TRPA1: variants seen among roughly 807,000 people sequenced by gnomAD.
The protein encoded by TRPA1 is transient receptor potential cation channel subfamily A member 1, also known as ankyrin-like with transmembrane domains 1.
In TRPA1, 129 loss-of-function variants were observed where a neutral mutation model predicts 131.3. That is an observed-to-expected ratio of 0.98 (90% CI 0.85 to 1.14). The LOEUF is 1.14. Ranked by LOEUF, TRPA1 falls within the 50% of genes most tolerant of loss-of-function variation. The pLI, the probability that TRPA1 is intolerant of heterozygous loss-of-function variation, is 0.00. For missense variants in TRPA1, 1,304 were observed against 1,354.2 expected (o/e 0.96, Z 0.58); for synonymous variants, 441 against 451.7 (o/e 0.98, Z 0.30).
In TRPA1 at chr8:72,068,236, T is replaced by C. The variant is rs570729715; in HGVS notation, c.444+787A>G. On this transcript the variant is annotated intron_variant, in intron 3 of 26. Coordinates refer to ENST00000262209, the MANE Select transcript of TRPA1 (RefSeq NM_007332.3). ...TTTCTACCAGAAAACTTATTATAAG[T>C]TCCAAATAGCCTACCTTAGAAATGA... Among the ~76,000 whole-genome samples, 3 of 152,334 alleles carry C rather than the reference T, an allele frequency of 2.0e-5. No homozygotes were observed. In the East Asian group the frequency reaches 5.8e-4, roughly 29 times the overall value.
chr8:72,032,703 C>A (rs1811873439), intron 23 of TRPA1, among the ~76,000 whole-genome samples: 1 of 152,174 alleles, frequency 6.6e-6, no homozygotes, highest in African/African-American at 2.4e-5. Context: ...ACAATGTGGG[C>A]TTTATGTCAT....
intron 17 of TRPA1, among the ~76,000 whole-genome samples, chr8:72,045,114 G>C (rs1464061392): frequency 6.6e-6 from 1 of 151,882 alleles, no homozygotes; most frequent in African/African-American, 2.4e-5. Context: ...CTGGGCTATT[G>C]ATTATGAACT....
intron 1 of TRPA1, among the ~76,000 whole-genome samples, chr8:72,073,553 G>T (rs1401035305): frequency 1.3e-5 from 2 of 152,080 alleles, no homozygotes; most frequent in African/African-American, 4.8e-5. Context: ...AAATGATATG[G>T]AACTACTACA....
At chr8:72,032,276 GT>G (rs1299455309) in intron 23 of TRPA1, among the ~76,000 whole-genome samples, 1 of 152,208 alleles carries the variant, frequency 6.6e-6, no homozygotes, top group East Asian at 1.9e-4. Context: ...CATCACTATG[GT>G]GGCCATTTGT....
At chr8:72,046,284 A>G (rs987296357) in intron 17 of TRPA1, among the ~76,000 whole-genome samples, 1 of 151,998 alleles carries the variant, frequency 6.6e-6, no homozygotes, top group African/African-American at 2.4e-5. Flanking sequence ...GAACTATAAA[A>G]CTGTAATTCT....
At chr8:72,086,036 G>T in the TRPA1 span, among the ~76,000 whole-genome samples, 1 of 152,098 alleles carries the variant, frequency 6.6e-6, no homozygotes, top group Admixed American at 6.6e-5. Context: ...GAGTAGCTGG[G>T]ATTACAAGCA....
At chr8:72,051,020 A>AGGGTGAG in intron 14 of TRPA1, 149 bp from the exon 15 acceptor site, 5 of 639,244 alleles carry the variant, frequency 7.8e-6, no homozygotes, top group South Asian at 3.7e-5. Context: ...AATGGAACCA[A>AGGGTGAG]CATGTAAAGC....
chr8:72,067,368 G>A (rs1341709131), intron 3 of TRPA1, among the ~76,000 whole-genome samples: 1 of 152,152 alleles, frequency 6.6e-6, no homozygotes, highest in Non-Finnish European at 1.5e-5. Flanking sequence ...CATAGTTGTG[G>A]TTGGTAAGAC....
chr8:72,080,287 G>A (rs1442187708), upstream of TRPA1, among the ~76,000 whole-genome samples: 2 of 151,646 alleles, frequency 1.3e-5, no homozygotes, highest in African/African-American at 4.8e-5. Context: ...TTTCATAGAT[G>A]TCTATTATCA....
chr8:72,045,874 A>G (rs1812412414), intron 17 of TRPA1, among the ~76,000 whole-genome samples: 1 of 152,004 alleles, frequency 6.6e-6, no homozygotes, highest in African/African-American at 2.4e-5. Context: ...AATAATAGCT[A>G]CTTTTTAAAA....
At chr8:72,067,616 A>T (rs753921094) in intron 3 of TRPA1, among the ~76,000 whole-genome samples, 22 of 152,152 alleles carry the variant, frequency 1.4e-4, no homozygotes, top group Non-Finnish European at 3.1e-4. Context: ...TTTCACGGCC[A>T]ATATTAAGTT....
At chr8:72,056,071 A>T (rs376843300) in intron 10 of TRPA1, 2 of 595,800 alleles carry the variant, frequency 3.4e-6, no homozygotes, top group Admixed American at 2.9e-5. Flanking sequence ...ATTAGTGTAC[A>T]TTACTGTATT....
At chr8:72,051,363 C>T (rs904192241) in intron 14 of TRPA1, among the ~76,000 whole-genome samples, 1 of 152,170 alleles carries the variant, frequency 6.6e-6, no homozygotes, top group Non-Finnish European at 1.5e-5. Flanking sequence ...TCTGCCAGAA[C>T]ATTCCAGATT....
At chr8:72,038,124 A>G (rs1441206652) in intron 19 of TRPA1, 52 bp from the exon 20 acceptor site, 1 of 928,422 alleles carries the variant, frequency 1.1e-6, no homozygotes, top group South Asian at 1.5e-5. Flanking sequence ...AAAACACTTT[A>G]ACATTTCCAT....
intron 17 of TRPA1, among the ~76,000 whole-genome samples, 187 bp downstream of exon 17, chr8:72,046,326 C>T (rs116154244): frequency 0.015 from 2,218 of 151,916 alleles, 74 homozygotes; most frequent in African/African-American, 0.05. Flanking sequence ...ACATTTTAGA[C>T]TATTGTATCA....
intron 17 of TRPA1, among the ~76,000 whole-genome samples, chr8:72,045,210 G>C (rs1448311001): frequency 1.3e-5 from 2 of 151,792 alleles, no homozygotes; most frequent in African/African-American, 4.8e-5. Flanking sequence ...AGTGTTAAAG[G>C]CATAAAATCC....
chr8:72,050,416 A>G (rs1805471873), intron 15 of TRPA1, among the ~76,000 whole-genome samples: 1 of 152,196 alleles, frequency 6.6e-6, no homozygotes, highest in African/African-American at 2.4e-5. Flanking sequence ...TACCTTAAGG[A>G]AAGCATCCTG....
chr8:72,040,606 C>T (rs1009169147), intron 17 of TRPA1, among the ~76,000 whole-genome samples: 2 of 152,102 alleles, frequency 1.3e-5, no homozygotes, highest in Admixed American at 6.6e-5. Flanking sequence ...CTTCTGACTT[C>T]TAAGGGGCTG....
intron 26 of TRPA1, chr8:72,023,455 C>T (rs1304472640): frequency 1.1e-5 from 5 of 449,782 alleles, no homozygotes; most frequent in Non-Finnish European, 2.0e-5. Flanking sequence ...CTGTAAAACC[C>T]TCATGCTTAA....
Sources: gnomAD v4.1 joint callset for allele counts (sites outside exome capture counted in the v4.1 genomes callset) on GRCh38, gnomAD v4.1.1 for gene constraint, MANE v1.5 for transcripts, NCBI Gene and HGNC (gene_info 2026-07-23, HGNC 2026-07-21) for gene names.